The following KHDRBS2 variants were observed in gnomAD, a reference collection of about 807,000 sequenced individuals.
KHDRBS2 encodes KH domain-containing, RNA-binding, signal transduction-associated protein 2.
In KHDRBS2, 26 loss-of-function variants were observed where a neutral mutation model predicts 44.3. That is an observed-to-expected ratio of 0.59 (90% CI 0.43 to 0.81). The LOEUF (loss-of-function observed/expected upper bound fraction) is 0.81, where lower values mean the gene tolerates loss of function less well. Among genes scored for constraint, KHDRBS2 ranks in the 40% least tolerant of loss-of-function variants. The pLI is 0.00. For missense variants in KHDRBS2, 476 were observed against 433.1 expected (o/e 1.10, Z -0.88); for synonymous variants, 194 against 151.1 (o/e 1.28, Z -2.08).
the KHDRBS2 span, among the ~76,000 whole-genome samples, chr6:61,564,561 C>G: frequency 2.0e-5 from 3 of 151,856 alleles, no homozygotes; most frequent in Admixed American, 6.6e-5. Context: ...TGGTATCTTC[C>G]AAAGCATAAA....
At chr6:61,937,091 C>T (rs1019531291) in intron 4 of KHDRBS2, among the ~76,000 whole-genome samples, 3 of 151,906 alleles carry the variant, frequency 2.0e-5, no homozygotes, top group African/African-American at 4.8e-5. Flanking sequence ...TTCCTTCCTT[C>T]ATGATTTTCT....
chr6:61,857,938 A>G (rs939758459), intron 6 of KHDRBS2, among the ~76,000 whole-genome samples: 4 of 151,992 alleles, frequency 2.6e-5, no homozygotes, highest in African/African-American at 9.7e-5. Context: ...AATTTATATT[A>G]TAATACGTCT....
chr6:61,655,956 C>T, the KHDRBS2 span, among the ~76,000 whole-genome samples: 3 of 151,984 alleles, frequency 2.0e-5, no homozygotes, highest in Non-Finnish European at 4.4e-5. Flanking sequence ...AGTTTGGGCC[C>T]CATCTGTGTT....
chr6:62,188,968 A>G (rs1285676204), intron 1 of KHDRBS2, among the ~76,000 whole-genome samples: 1 of 152,080 alleles, frequency 6.6e-6, no homozygotes, highest in African/African-American at 2.4e-5. Flanking sequence ...TCAAAAGATT[A>G]GCCACGTGTG....
At chr6:62,040,231 C>T (rs548544366) in intron 3 of KHDRBS2, among the ~76,000 whole-genome samples, 33 of 151,978 alleles carry the variant, frequency 2.2e-4, no homozygotes, top group African/African-American at 7.5e-4. Context: ...AAAACAAACA[C>T]CCAACAGACA....
chr6:61,697,475 C>G (rs1768036850), intron 7 of KHDRBS2, among the ~76,000 whole-genome samples: 1 of 151,804 alleles, frequency 6.6e-6, no homozygotes, highest in Non-Finnish European at 1.5e-5. Flanking sequence ...TTCTCTCTAT[C>G]CACCAATTTG....
Position 62,268,670 on chromosome 6 carries a change from C to T in KHDRBS2, c.91+17188G>A, listed in dbSNP as rs575534553. 4.5e-4 allele frequency among the ~76,000 whole-genome samples: 69 copies of T among 151,942 alleles called. 2 individuals are homozygous for T. The South Asian group carries it at 0.013, about 29-fold the overall frequency. ...GGTCCTTTTTAATGGAAATGTTTAA[C>T]GTGTTAATAGAGGAAAAAATGTTTC... On this transcript the variant is annotated intron_variant, in intron 1 of 8. Transcript: ENST00000281156.
At chr6:61,608,432 TC>T in the KHDRBS2 span, among the ~76,000 whole-genome samples, 1 of 151,970 alleles carries the variant, frequency 6.6e-6, no homozygotes, top group Non-Finnish European at 1.5e-5. Context: ...TAATTTTTTT[TC>T]TTTTTTTCTT....
intron 6 of KHDRBS2, among the ~76,000 whole-genome samples, chr6:61,832,060 G>A (rs1474669081): frequency 6.6e-6 from 1 of 152,154 alleles, no homozygotes; most frequent in Non-Finnish European, 1.5e-5. Flanking sequence ...GGGCAACAAA[G>A]TGAGACTCCC....
Position 61,847,522 on chromosome 6 carries a change from C to G in KHDRBS2, c.810+47113G>C, listed in dbSNP as rs73476698. 9.9e-3 allele frequency among the ~76,000 whole-genome samples: 1,503 copies of G among 152,124 alleles called. 26 individuals are homozygous for G. The highest frequency in any genetic ancestry group is 0.035 in the African/African-American group (1,445 of 41,528). On this transcript the variant is annotated intron_variant, in intron 6 of 8. Coordinates refer to ENST00000281156, the MANE Select transcript of KHDRBS2 (RefSeq NM_152688.4). The stretch of plus-strand genomic sequence containing the variant: ...AATTACCATGTAAAGTTAGGATGAG[C>G]TATGTATGTGTGACAAACAGTCCTC...
At chr6:61,968,821 C>A (rs1770690895) in intron 4 of KHDRBS2, among the ~76,000 whole-genome samples, 1 of 151,934 alleles carries the variant, frequency 6.6e-6, no homozygotes, top group African/African-American at 2.4e-5. Flanking sequence ...GTTTAAGTAA[C>A]CATGCTGGCC....
chr6:61,819,949 AT>A (rs1789618809), intron 6 of KHDRBS2, among the ~76,000 whole-genome samples: 3 of 152,064 alleles, frequency 2.0e-5, no homozygotes, highest in South Asian at 4.1e-4. Flanking sequence ...AATAAAAAGC[AT>A]TGTCAAACAC....
the KHDRBS2 span, among the ~76,000 whole-genome samples, chr6:61,553,900 G>A: frequency 4.3e-4 from 66 of 152,156 alleles, no homozygotes; most frequent in African/African-American, 1.6e-3. Flanking sequence ...GTGTTTGTTT[G>A]GAGATTGTTT....
intron 3 of KHDRBS2, among the ~76,000 whole-genome samples, chr6:61,992,593 A>ATG (rs749737405): frequency 7.9e-4 from 119 of 150,974 alleles, no homozygotes; most frequent in African/African-American, 2.3e-3. Context: ...TAGGGGTCTG[A>ATG]TGTGTGTGTG....
chr6:62,126,408 G>C (rs1808980873), intron 2 of KHDRBS2, among the ~76,000 whole-genome samples: 2 of 152,120 alleles, frequency 1.3e-5, no homozygotes, highest in Non-Finnish European at 2.9e-5. Context: ...ACCTGCCTAG[G>C]GCTAGGGAAA....
rs1314787422 is a variant in KHDRBS2, at chr6:62,226,048, T to C, written c.92-48736A>G. Reference sequence around the variant, plus strand: ...AATGACTTATAATCCTTTGGGTATATACCCAGTAATGGGATGGCTGGGTCA... The same window carrying C: ...AATGACTTATAATCCTTTGGGTATACACCCAGTAATGGGATGGCTGGGTCA... On this transcript the variant is annotated intron_variant, in intron 1 of 8. Coordinates refer to ENST00000281156, the MANE Select transcript of KHDRBS2 (RefSeq NM_152688.4). Among the ~76,000 whole-genome samples the C allele has an allele frequency of 2.6e-5, 4 of 152,214 alleles. No individual in the cohort carries two copies. The East Asian group carries it at 7.7e-4, about 29-fold the overall frequency.
At chr6:61,713,336 T>TA (rs1770843524) in intron 7 of KHDRBS2, among the ~76,000 whole-genome samples, 1 of 151,664 alleles carries the variant, frequency 6.6e-6, no homozygotes, top group Non-Finnish European at 1.5e-5. Context: ...ATTCTAATTA[T>TA]AAAAAATAAA....
At chr6:62,060,390 G>A (rs1273108932) in intron 2 of KHDRBS2, among the ~76,000 whole-genome samples, 1 of 151,614 alleles carries the variant, frequency 6.6e-6, no homozygotes, top group Non-Finnish European at 1.5e-5. Context: ...AGGATTGGAA[G>A]ACTACACAAA....
At chr6:62,076,289 G>A (rs1190386038) in intron 2 of KHDRBS2, among the ~76,000 whole-genome samples, 1 of 151,934 alleles carries the variant, frequency 6.6e-6, no homozygotes, top group Non-Finnish European at 1.5e-5. Context: ...TACACAAAAG[G>A]AGAACTCATC....
Sources: gnomAD v4.1 joint callset for allele counts (sites outside exome capture counted in the v4.1 genomes callset) on GRCh38, gnomAD v4.1.1 for gene constraint, MANE v1.5 for transcripts, NCBI Gene and HGNC (gene_info 2026-07-23, HGNC 2026-07-21) for gene names.